TPD52L1: variants seen among roughly 807,000 people sequenced by gnomAD.
TPD52L1 encodes tumor protein D53.
A neutral mutation model predicts 28.7 loss-of-function variants in TPD52L1; 18 were observed. The ratio of observed to expected loss-of-function variants is 0.63; its 90% CI spans 0.43 to 0.93. The LOEUF is 0.93. Ranked by LOEUF, TPD52L1 falls within the 40% of genes least tolerant of loss-of-function variation. The pLI is 0.00. For missense variants in TPD52L1, 203 were observed against 254.8 expected (o/e 0.80, Z 1.39); for synonymous variants, 75 against 88.8 (o/e 0.84, Z 0.88).
chr6:125,172,732 AT>A (rs1791577546), intron 1 of TPD52L1, among the ~76,000 whole-genome samples: 1 of 149,228 alleles, frequency 6.7e-6, no homozygotes, highest in Non-Finnish European at 1.5e-5. Flanking sequence ...GGCCCAAGAT[AT>A]TTTGCTGTTG....
chr6:125,237,551 A>T (rs1796341964), intron 3 of TPD52L1, among the ~76,000 whole-genome samples: 1 of 152,278 alleles, frequency 6.6e-6, no homozygotes, highest in East Asian at 1.9e-4. Context: ...TTTGCACAGG[A>T]AAGTTTTTCT....
chr6:125,248,469 A>G lies in TPD52L1; in HGVS notation c.386+86A>G, dbSNP rs1797054180. 4.4e-6 allele frequency: 4 copies of G among 898,882 alleles called. No homozygotes were observed. In the East Asian group the frequency reaches 1.0e-4, roughly 22 times the overall value. 55.7% of individuals were successfully genotyped at this position (898,882 alleles called of 1,614,324 possible). A position where few individuals can be genotyped will look rare whatever the true frequency, so the allele number is the denominator to read the frequency against. On this transcript the variant is annotated intron_variant, in intron 4 of 6. Transcript: ENST00000534000. ...CACTAGCTATTAGCTGCTCATCTCA[A>G]CATATGTATTTTTTTATTTTAATGG... is the stretch of plus-strand genomic sequence containing the variant.
In TPD52L1 at chr6:125,164,324, G is replaced by A. The variant is rs892227541; in HGVS notation, c.19+10354G>A. ...TAAGCCTTGCGACATGTCAAGTTGC[G>A]GGTGGAGGATGCTCATTTATCAACA... is the stretch of plus-strand genomic sequence containing the variant. On this transcript the variant is annotated intron_variant, in intron 1 of 6. Transcript: ENST00000534000. Among the ~76,000 whole-genome samples the A allele has an allele frequency of 3.9e-5, 6 of 152,224 alleles. No individual in the cohort carries two copies. The East Asian group carries it at 7.7e-4, about 20-fold the overall frequency.
At chr6:125,231,084 G>C (rs1795922066) in intron 3 of TPD52L1, 2 of 152,254 alleles carry the variant, frequency 1.3e-5, no homozygotes, top group African/African-American at 4.8e-5. Context: ...GGCCCTGACA[G>C]TGTAAAGTTG....
chr6:125,262,778 C>A, intron 6 of TPD52L1, 56 bp from the exon 7 acceptor site: 2 of 1,548,840 alleles, frequency 1.3e-6, no homozygotes, highest in African/African-American at 1.4e-5. Context: ...CTTATAAAAA[C>A]ATTACAAAAA....
In TPD52L1 at chr6:125,165,214, A is replaced by G. The variant is rs567808388; in HGVS notation, c.19+11244A>G. Among the ~76,000 whole-genome samples, 3 of 151,666 alleles carry G rather than the reference A, an allele frequency of 2.0e-5. No individual in the cohort carries two copies. In the East Asian group the frequency reaches 5.8e-4, roughly 29 times the overall value. On this transcript the variant is annotated intron_variant, in intron 1 of 6. Coordinates refer to ENST00000534000, the MANE Select transcript of TPD52L1 (RefSeq NM_003287.4). The stretch of plus-strand genomic sequence containing the variant: ...TAAGAACACATAAAAGGTGACCTCA[A>G]AATGTGGATATTCACATCTGTCATC...
intron 2 of TPD52L1, among the ~76,000 whole-genome samples, chr6:125,221,597 A>C (rs576827429): frequency 1.3e-5 from 2 of 152,330 alleles, no homozygotes; most frequent in Non-Finnish European, 2.9e-5. Context: ...ATATACTAAT[A>C]CATGCTGATT....
At chr6:125,186,098 C>T (rs938365079) in intron 1 of TPD52L1, among the ~76,000 whole-genome samples, 15 of 151,724 alleles carry the variant, frequency 9.9e-5, no homozygotes, top group African/African-American at 3.6e-4. Context: ...TTCACCATGT[C>T]GATCAGGCTG....
At chr6:125,229,445 A>G (rs1407556518) in intron 3 of TPD52L1, among the ~76,000 whole-genome samples, 179 bp downstream of exon 3, 1 of 152,258 alleles carries the variant, frequency 6.6e-6, no homozygotes, top group African/African-American at 2.4e-5. Context: ...CATGTGAAGC[A>G]GATTCTATAA....
At chr6:125,261,101 G>T (rs1263196775) in intron 6 of TPD52L1, 1 of 152,104 alleles carries the variant, frequency 6.6e-6, no homozygotes, top group East Asian at 1.9e-4. Context: ...TTAGGTATTC[G>T]CTGTGGCTAC....
intron 1 of TPD52L1, among the ~76,000 whole-genome samples, chr6:125,179,691 C>T (rs1266660209): frequency 6.6e-6 from 1 of 152,180 alleles, no homozygotes; most frequent in Non-Finnish European, 1.5e-5. Context: ...CACAGGATAG[C>T]TTCAATATGT....
At chr6:125,260,040 C>T (rs1290622431) in intron 6 of TPD52L1, 1 of 152,114 alleles carries the variant, frequency 6.6e-6, no homozygotes, top group African/African-American at 2.4e-5. Flanking sequence ...TTTTACTACT[C>T]TGTTTAGAGG....
chr6:125,200,050 A>T (rs1443394895), intron 1 of TPD52L1, among the ~76,000 whole-genome samples: 2 of 152,222 alleles, frequency 1.3e-5, no homozygotes, highest in Non-Finnish European at 2.9e-5. Context: ...AAAAGGGAAC[A>T]TGCATTTTCA....
chr6:125,158,334 A>G (rs1306135668), intron 1 of TPD52L1, among the ~76,000 whole-genome samples: 8 of 152,196 alleles, frequency 5.3e-5, no homozygotes, highest in Middle Eastern at 3.2e-3. Flanking sequence ...TACTGTTTGC[A>G]AAGTCCTTTA....
intron 3 of TPD52L1, chr6:125,234,547 C>T (rs1204329517): frequency 6.6e-6 from 1 of 152,134 alleles, no homozygotes; most frequent in Non-Finnish European, 1.5e-5. Flanking sequence ...ACATATTGTT[C>T]CTCTGCTCTA....
At position 125,262,846 on chromosome 6, in the gene TPD52L1, G is replaced by C. The variant is rs772348702; in HGVS notation, c.499G>C (p.Gly167Arg). Residue 167 changes from glycine to arginine, a missense_variant, in exon 7 of 7, where the codon GGT (glycine) becomes CGT (arginine). By Grantham distance (125) the Gly-to-Arg change is moderately radical. Coordinates refer to ENST00000534000, the MANE Select transcript of TPD52L1 (RefSeq NM_003287.4). ...CTGCTCATTTCAGACGAAAGTAGGC[G>C]GTACGAACCCTAATGGAGGCAGTTT... ...TVTSLKTKVG[G>R]TNPNGGSFEE... 6.2e-7 allele frequency: 1 copy of C among 1,613,102 alleles called. No homozygotes were observed. The highest frequency in any genetic ancestry group is 8.5e-7 in the Non-Finnish European group (1 of 1,179,788).
intron 1 of TPD52L1, among the ~76,000 whole-genome samples, chr6:125,191,734 A>C (rs1319574795): frequency 6.6e-6 from 1 of 152,154 alleles, no homozygotes; most frequent in East Asian, 1.9e-4. Context: ...GGAAGAAGTG[A>C]ACAACTGTGG....
intron 1 of TPD52L1, among the ~76,000 whole-genome samples, chr6:125,190,975 T>G (rs1792997117): frequency 6.6e-6 from 1 of 152,202 alleles, no homozygotes; most frequent in Admixed American, 6.5e-5. Context: ...AATATATCAT[T>G]CTCTGTTGCT....
chr6:125,225,027 C>T (rs907145058), intron 2 of TPD52L1, among the ~76,000 whole-genome samples: 1 of 152,220 alleles, frequency 6.6e-6, no homozygotes. Flanking sequence ...CAGCCTCTGG[C>T]AGCCGCCAGT....
Sources: allele counts gnomAD v4.1 joint callset (sites outside exome capture counted in the v4.1 genomes callset), GRCh38; gene constraint gnomAD v4.1.1; transcripts MANE v1.5; gene names NCBI Gene and HGNC (gene_info 2026-07-23, HGNC 2026-07-21).